The following ITFG1 variants were observed in gnomAD, a reference collection of about 807,000 sequenced individuals.
ITFG1 encodes the protein T-cell immunomodulatory protein.
ITFG1 carries 34 observed loss-of-function variants against 81.8 expected under a neutral mutation model. The ratio of observed to expected loss-of-function variants is 0.42; its 90% CI spans 0.32 to 0.55. The LOEUF (loss-of-function observed/expected upper bound fraction) is 0.55, where lower values mean the gene tolerates loss of function less well. Ranked by LOEUF, ITFG1 falls within the 20% of genes least tolerant of loss-of-function variation. ITFG1 has a pLI of 0.17. For synonymous variants in ITFG1, 285 were observed against 270.6 expected (o/e 1.05, Z -0.52); for missense variants, 672 against 755.4 (o/e 0.89, Z 1.29).
intron 12 of ITFG1, among the ~76,000 whole-genome samples, chr16:47,242,132 A>T (rs770457315): frequency 3.0e-4 from 46 of 152,158 alleles, no homozygotes; most frequent in Non-Finnish European, 3.1e-4. Flanking sequence ...ATTACATCTC[A>T]ATAAAGCTGT....
At chr16:47,186,601 G>T (rs1490512918) in intron 14 of ITFG1, among the ~76,000 whole-genome samples, 1 of 152,068 alleles carries the variant, frequency 6.6e-6, no homozygotes. Flanking sequence ...GGTATTGATG[G>T]GACATATTTC....
intron 14 of ITFG1, among the ~76,000 whole-genome samples, chr16:47,187,865 TGACA>T (rs1965241955): frequency 6.6e-6 from 1 of 152,112 alleles, no homozygotes; most frequent in Admixed American, 6.5e-5. Flanking sequence ...CCTACTCATC[TGACA>T]AAGGGCTAAT....
intron 10 of ITFG1, among the ~76,000 whole-genome samples, chr16:47,267,221 T>A (rs1208289004): frequency 6.6e-6 from 1 of 152,146 alleles, no homozygotes; most frequent in Non-Finnish European, 1.5e-5. Context: ...TTACATAGGT[T>A]AAAAACAGAT....
intron 14 of ITFG1, 48 bp downstream of exon 14, chr16:47,218,820 T>C (rs1965657127): frequency 9.6e-6 from 11 of 1,150,976 alleles, no homozygotes; most frequent in South Asian, 1.5e-5. Flanking sequence ...TGCTAATATA[T>C]TGACTGAAGA....
At chr16:47,391,893 C>T (rs1284127498) in intron 6 of ITFG1, among the ~76,000 whole-genome samples, 1 of 152,124 alleles carries the variant, frequency 6.6e-6, no homozygotes, top group Non-Finnish European at 1.5e-5. Context: ...ACACCTATCC[C>T]TTCGTCCATT....
chr16:47,379,629 G>A (rs1968370495), intron 6 of ITFG1, among the ~76,000 whole-genome samples: 1 of 151,304 alleles, frequency 6.6e-6, no homozygotes, highest in Non-Finnish European at 1.5e-5. Flanking sequence ...AGGTTGCAGT[G>A]AGCCGAGATG....
At chr16:47,454,263 A>G (rs1296881100) in intron 2 of ITFG1, 105 bp from the exon 3 acceptor site, 7 of 926,954 alleles carry the variant, frequency 7.6e-6, no homozygotes, top group Admixed American at 2.2e-5. Flanking sequence ...CTTAAAACTT[A>G]ACAGAACTGA....
chr16:47,169,543 A>G (rs1365848790), intron 14 of ITFG1, among the ~76,000 whole-genome samples: 2 of 152,024 alleles, frequency 1.3e-5, no homozygotes, highest in Admixed American at 6.5e-5. Flanking sequence ...CTTGTTCCCT[A>G]TAACTTTGCT....
chr16:47,371,916 T>C (rs1439384487), intron 7 of ITFG1, among the ~76,000 whole-genome samples: 5 of 150,958 alleles, frequency 3.3e-5, no homozygotes, highest in Non-Finnish European at 3.0e-5. Context: ...ACTCTCTCTT[T>C]TTTTTTTTTT....
At chr16:47,370,165 A>T (rs189282388) in intron 7 of ITFG1, among the ~76,000 whole-genome samples, 7 of 152,220 alleles carry the variant, frequency 4.6e-5, no homozygotes, top group Admixed American at 3.9e-4. Flanking sequence ...TAATAGCGGC[A>T]GGAGGCAGAC....
chr16:47,444,296 C>T lies in ITFG1; in HGVS notation c.560+7100G>A, dbSNP rs28404995. Among the ~76,000 whole-genome samples the T allele has an allele frequency of 4.2e-3, 637 of 152,218 alleles. 6 individuals are homozygous for T. Among genetic ancestry groups the T allele is most frequent in the African/African-American group, 0.015 (608 of 41,540 alleles). ...ATGCTATTTCTCATTAATTAACTTACAGCAATGCAATATAATGCAGCTAAA... is the reference window on the plus strand; with the variant it reads ...ATGCTATTTCTCATTAATTAACTTATAGCAATGCAATATAATGCAGCTAAA... On this transcript the variant is annotated intron_variant, in intron 5 of 17. Transcript: ENST00000320640.
chr16:47,339,106 C>T (rs1306914815), intron 8 of ITFG1, among the ~76,000 whole-genome samples: 2 of 152,180 alleles, frequency 1.3e-5, no homozygotes, highest in African/African-American at 4.8e-5. Context: ...CCTTCACTTC[C>T]CTCCATGTTG....
intron 10 of ITFG1, among the ~76,000 whole-genome samples, chr16:47,300,987 T>C (rs903239817): frequency 6.6e-6 from 1 of 152,228 alleles, no homozygotes; most frequent in Non-Finnish European, 1.5e-5. Context: ...AATTAATTCA[T>C]AAATAAGTAG....
At chr16:47,209,539 A>T (rs1015999876) in intron 14 of ITFG1, among the ~76,000 whole-genome samples, 1 of 152,208 alleles carries the variant, frequency 6.6e-6, no homozygotes, top group African/African-American at 2.4e-5. Flanking sequence ...TAATGCAAAG[A>T]TCCCATGTAC....
intron 10 of ITFG1, among the ~76,000 whole-genome samples, chr16:47,308,005 C>T (rs1293213902): frequency 2.0e-5 from 3 of 152,120 alleles, no homozygotes; most frequent in African/African-American, 7.2e-5. Context: ...CATGGTATTC[C>T]ATAATGTATT....
chr16:47,279,499 A>G (rs1300841008), intron 10 of ITFG1, among the ~76,000 whole-genome samples: 2 of 152,276 alleles, frequency 1.3e-5, no homozygotes, highest in African/African-American at 4.8e-5. Flanking sequence ...CTATGTGTCT[A>G]CTGCCTTGCC....
intron 5 of ITFG1, chr16:47,448,757 T>C (rs1969352513): frequency 6.6e-6 from 1 of 152,076 alleles, no homozygotes; most frequent in Non-Finnish European, 1.5e-5. Flanking sequence ...AATGTCCTCT[T>C]ATAGAAAATG....
chr16:47,369,370 T>C (rs1968219667), intron 7 of ITFG1, among the ~76,000 whole-genome samples: 1 of 152,222 alleles, frequency 6.6e-6, no homozygotes, highest in South Asian at 2.1e-4. Flanking sequence ...GCTTCAGTTC[T>C]TCAGTTGTTA....
intron 14 of ITFG1, among the ~76,000 whole-genome samples, chr16:47,180,776 C>T (rs1010585242): frequency 2.4e-4 from 36 of 152,136 alleles, no homozygotes; most frequent in African/African-American, 4.6e-4. Flanking sequence ...CCCAAAGTGC[C>T]GAGATTGCAG....
Sources: allele counts gnomAD v4.1 joint callset (sites outside exome capture counted in the v4.1 genomes callset), GRCh38; gene constraint gnomAD v4.1.1; transcripts MANE v1.5; gene names NCBI Gene and HGNC (gene_info 2026-07-23, HGNC 2026-07-21).